The following PLA2G2C variants were observed in gnomAD, a reference collection of about 807,000 sequenced individuals.
PLA2G2C encodes phospholipase A2 group IIC.
PLA2G2C carries 15 observed loss-of-function variants against 14.3 expected under a neutral mutation model. That is an observed-to-expected ratio of 1.05 (90% CI 0.70 to 1.62). The LOEUF (loss-of-function observed/expected upper bound fraction) is 1.62, where lower values mean the gene tolerates loss of function less well. Among genes scored for constraint, PLA2G2C ranks in the 40% most tolerant of loss-of-function variants. PLA2G2C has a pLI of 0.00. For synonymous variants in PLA2G2C, 79 were observed against 67.7 expected, an observed-to-expected ratio of 1.17 and a Z score of -0.82; for missense variants, 162 against 173.2, an observed-to-expected ratio of 0.94 and a Z score of 0.36.
intron 1 of PLA2G2C, among the ~76,000 whole-genome samples, chr1:20,185,723 T>C (rs535983205): frequency 6.6e-6 from 1 of 152,180 alleles, no homozygotes; most frequent in East Asian, 1.9e-4. Context: ...ACAGCCTCAT[T>C]TTAAAACCAG....
At chr1:20,184,227 AC>A (rs2018326696) in intron 1 of PLA2G2C, 2 of 151,990 alleles carry the variant, frequency 1.3e-5, no homozygotes, top group Non-Finnish European at 2.9e-5. Flanking sequence ...ACACACACAC[AC>A]GGTGAGAAGC....
intron 3 of PLA2G2C, 40 bp from the exon 4 acceptor site, chr1:20,172,937 T>G: frequency 6.6e-7 from 1 of 1,517,580 alleles, no homozygotes; most frequent in Non-Finnish European, 9.1e-7. Context: ...GAGGACCTTA[T>G]CTGGGGACTA....
At chr1:20,185,749 C>T (rs2018362404) in intron 1 of PLA2G2C, among the ~76,000 whole-genome samples, 1 of 152,190 alleles carries the variant, frequency 6.6e-6, no homozygotes, top group African/African-American at 2.4e-5. Context: ...CTGAGAGGGT[C>T]AGGGCCTGAC....
intron 3 of PLA2G2C, 104 bp from the exon 4 acceptor site, chr1:20,173,001 G>A (rs2018115533): frequency 2.6e-6 from 2 of 759,662 alleles, no homozygotes; most frequent in East Asian, 5.2e-5. Context: ...AGGTGAGGAG[G>A]TGAATTATCA....
At chr1:20,164,386 GGTC>G (rs1309335850) in intron 4 of PLA2G2C, among the ~76,000 whole-genome samples, 1 of 152,108 alleles carries the variant, frequency 6.6e-6, no homozygotes, top group Non-Finnish European at 1.5e-5. Context: ...GTGTGTGTAT[GGTC>G]GTGTGTGCAT....
intron 4 of PLA2G2C, among the ~76,000 whole-genome samples, chr1:20,171,866 A>C (rs992118555): frequency 1.4e-4 from 19 of 139,934 alleles, no homozygotes; most frequent in Non-Finnish European, 2.6e-4. Flanking sequence ...GGTTCACGCC[A>C]TTCTCCTGCC....
At chr1:20,166,566 T>C (rs2017983405) in intron 4 of PLA2G2C, among the ~76,000 whole-genome samples, 1 of 152,234 alleles carries the variant, frequency 6.6e-6, no homozygotes, top group South Asian at 2.1e-4. Context: ...GTCCAGTTGC[T>C]GTCGCCCTGG....
At chr1:20,176,455 G>A (rs543741829) in intron 2 of PLA2G2C, among the ~76,000 whole-genome samples, 11 of 152,314 alleles carry the variant, frequency 7.2e-5, no homozygotes, top group Non-Finnish European at 1.2e-4. Flanking sequence ...ACTTGAAGAA[G>A]AGAAACAGAA....
intron 1 of PLA2G2C, among the ~76,000 whole-genome samples, chr1:20,185,574 A>G (rs114293141): frequency 2.6e-5 from 4 of 152,236 alleles, no homozygotes; most frequent in African/African-American, 9.6e-5. Flanking sequence ...GTGGCCCCGG[A>G]GTGGGAGGCT....
chr1:20,172,720 TG>T, intron 4 of PLA2G2C, 73 bp downstream of exon 4: 2 of 1,275,800 alleles, frequency 1.6e-6, no homozygotes, highest in Non-Finnish European at 2.2e-6. Context: ...AAAAGATCTC[TG>T]GGTCAAAGAG....
intron 3 of PLA2G2C, among the ~76,000 whole-genome samples, chr1:20,173,154 TAAA>T (rs35364141): frequency 1.5e-5 from 2 of 135,930 alleles, no homozygotes; most frequent in African/African-American, 2.8e-5. Flanking sequence ...TTTTTAAGTT[TAAA>T]AAAAAAAAAA....
intron 1 of PLA2G2C, among the ~76,000 whole-genome samples, chr1:20,179,017 C>T (rs1032538178): frequency 1.3e-5 from 2 of 152,250 alleles, no homozygotes; most frequent in Non-Finnish European, 2.9e-5. Context: ...GCAGGTACCG[C>T]GTGGCCCAAG....
chr1:20,181,813 G>A (rs1444542070), intron 1 of PLA2G2C, among the ~76,000 whole-genome samples: 2 of 152,190 alleles, frequency 1.3e-5, no homozygotes, highest in Admixed American at 1.3e-4. Flanking sequence ...TCAAACTAGT[G>A]CACCTGGAGC....
intron 4 of PLA2G2C, among the ~76,000 whole-genome samples, chr1:20,168,502 G>A (rs898156253): frequency 6.6e-6 from 1 of 152,232 alleles, no homozygotes; most frequent in Non-Finnish European, 1.5e-5. Flanking sequence ...CAGACACAGA[G>A]AAGTAAACAA....
rs551235060 is a variant in PLA2G2C, at chr1:20,163,673, T to G, written c.*318A>C. On this transcript the variant is annotated 3_prime_UTR_variant, in exon 5 of 5. Coordinates refer to ENST00000679259, the MANE Select transcript of PLA2G2C (RefSeq NM_001367969.2). The stretch of plus-strand genomic sequence containing the variant: ...TCTCTATCCCGTCCCTTTGTTTTAC[T>G]GCATCATAGCACTTACTACAGTCTA... 54 of 226,972 alleles carry G rather than the reference T, an allele frequency of 2.4e-4. No homozygotes were observed. Among genetic ancestry groups the G allele is most frequent in the African/African-American group, 1.2e-3 (52 of 43,698 alleles). The allele number at this position is 226,972 out of a possible 1,614,324, so 14.1% of individuals were successfully genotyped here. A position where few individuals can be genotyped will look rare whatever the true frequency, so the allele number is the denominator to read the frequency against.
intron 1 of PLA2G2C, among the ~76,000 whole-genome samples, chr1:20,178,447 C>T (rs2018224389): frequency 6.6e-6 from 1 of 152,200 alleles, no homozygotes; most frequent in African/African-American, 2.4e-5. Context: ...TGCTGCAGAT[C>T]CCTGGGAGAG....
rs1291355153 is a variant in PLA2G2C, at chr1:20,163,283, TG to T, written c.*707del. 1 of 152,200 alleles carries T rather than the reference TG, an allele frequency of 6.6e-6. No homozygotes were observed. Among genetic ancestry groups the T allele is most frequent in the Non-Finnish European group, 1.5e-5 (1 of 68,082 alleles). 9.4% of individuals were successfully genotyped at this position (152,200 alleles called of 1,614,324 possible). A position where few individuals can be genotyped will look rare whatever the true frequency, so the allele number is the denominator to read the frequency against. On this transcript the variant is annotated 3_prime_UTR_variant, in exon 5 of 5. Coordinates refer to ENST00000679259, the MANE Select transcript of PLA2G2C (RefSeq NM_001367969.2). ...GGCTAGCCCAGGCTTTTTTGCAGGG[TG>T]GGGGCAGCTGTCCTAAGAGAGAGTA...
intron 3 of PLA2G2C, 97 bp from the exon 4 acceptor site, chr1:20,172,994 T>C (rs1167721567): frequency 2.5e-6 from 2 of 807,078 alleles, no homozygotes; most frequent in Non-Finnish European, 4.0e-6. Flanking sequence ...GCATTGAAGG[T>C]GAGGAGGTGA....
At chr1:20,181,984 A>G (rs1430506450) in intron 1 of PLA2G2C, among the ~76,000 whole-genome samples, 2 of 152,174 alleles carry the variant, frequency 1.3e-5, no homozygotes, top group African/African-American at 4.8e-5. Flanking sequence ...TTCCTCCACT[A>G]GAGAGGTGGA....
Sources: gnomAD v4.1 joint callset for allele counts (sites outside exome capture counted in the v4.1 genomes callset) on GRCh38, gnomAD v4.1.1 for gene constraint, MANE v1.5 for transcripts, NCBI Gene and HGNC (gene_info 2026-07-23, HGNC 2026-07-21) for gene names.